Variants in EYS observed in about 807,000 individuals in gnomAD.
EYS encodes protein eyes shut homolog.
A neutral mutation model predicts 282.1 loss-of-function variants in EYS; 250 were observed. That is an observed-to-expected ratio of 0.89 (90% CI 0.80 to 0.98). EYS has a LOEUF of 0.98. Ranked by LOEUF, EYS falls within the 50% of genes least tolerant of loss-of-function variation. The pLI is 0.00. For synonymous variants in EYS, 1,355 were observed against 1,282.9 expected (o/e 1.06, Z -1.20); for missense variants, 4,016 against 3,709.0 (o/e 1.08, Z -2.15).
chr6:64,057,238 TG>T (rs1456190853), intron 33 of EYS, among the ~76,000 whole-genome samples: 3 of 152,174 alleles, frequency 2.0e-5, no homozygotes, highest in Admixed American at 1.3e-4. Flanking sequence ...TAGTGTTGGG[TG>T]GAAAAGAGTT....
chr6:64,690,056 G>T (rs1171572655), intron 22 of EYS, among the ~76,000 whole-genome samples: 3 of 151,754 alleles, frequency 2.0e-5, no homozygotes, highest in Non-Finnish European at 4.4e-5. Flanking sequence ...CAGAATGGGA[G>T]AAAATTTTTG....
intron 29 of EYS, among the ~76,000 whole-genome samples, chr6:64,375,722 T>C (rs972804326): frequency 6.6e-6 from 1 of 152,194 alleles, no homozygotes; most frequent in Admixed American, 6.5e-5. Flanking sequence ...TTGATTATTA[T>C]AGATTATTTT....
rs145384871 is a variant in EYS at position 65,657,988 on chromosome 6, A to G, written c.-447-18096T>C. On this transcript the variant is annotated intron_variant, in intron 1 of 42. Transcript: ENST00000503581. Reference sequence around the variant, plus strand: ...TAACTTGCTGGAGAGTCAGATGATCACTGGAATTTTTTAGCAAGAAAGTAT... The same window carrying G: ...TAACTTGCTGGAGAGTCAGATGATCGCTGGAATTTTTTAGCAAGAAAGTAT... Among the ~76,000 whole-genome samples, 135 of 151,984 alleles carry G rather than the reference A, an allele frequency of 8.9e-4. 2 individuals carry two copies. The South Asian group carries it at 0.019, about 22-fold the overall frequency.
chr6:65,508,258 C>T (rs947473261), intron 2 of EYS, among the ~76,000 whole-genome samples: 4 of 152,094 alleles, frequency 2.6e-5, no homozygotes, highest in African/African-American at 7.2e-5. Flanking sequence ...TACTGAGGCT[C>T]TGTTGGTTTG....
chr6:64,517,588 A>G (rs1385023197), intron 26 of EYS, among the ~76,000 whole-genome samples: 1 of 151,806 alleles, frequency 6.6e-6, no homozygotes, highest in East Asian at 1.9e-4. Context: ...GTAGCAGAAC[A>G]AGGGCAAAGT....
intron 31 of EYS, among the ~76,000 whole-genome samples, chr6:64,096,022 G>T (rs1406945895): frequency 1.3e-5 from 2 of 152,094 alleles, no homozygotes; most frequent in Admixed American, 6.5e-5. Flanking sequence ...GCTTAGTTTG[G>T]CTGGATATGA....
intron 22 of EYS, among the ~76,000 whole-genome samples, chr6:64,746,213 G>A (rs1325847283): frequency 6.6e-6 from 1 of 151,820 alleles, no homozygotes; most frequent in Non-Finnish European, 1.5e-5. Flanking sequence ...ATATTAAGAG[G>A]TGGGACTATT....
At chr6:63,816,920 CA>C (rs1771193259) in intron 36 of EYS, among the ~76,000 whole-genome samples, 1 of 152,048 alleles carries the variant, frequency 6.6e-6, no homozygotes, top group Non-Finnish European at 1.5e-5. Flanking sequence ...CACATATAAT[CA>C]AAAAAAGTGT....
chr6:65,499,518 G>A (rs1257391644), intron 2 of EYS, among the ~76,000 whole-genome samples: 1 of 151,836 alleles, frequency 6.6e-6, no homozygotes, highest in African/African-American at 2.4e-5. Flanking sequence ...TCCACAATAA[G>A]CAGCTTTTTA....
At chr6:64,288,455 C>T (rs945268341) in intron 30 of EYS, among the ~76,000 whole-genome samples, 4 of 152,080 alleles carry the variant, frequency 2.6e-5, no homozygotes, top group Non-Finnish European at 4.4e-5. Flanking sequence ...ACCACTCCTT[C>T]CAGTCTTCGC....
chr6:65,024,864 G>A, intron 13 of EYS, among the ~76,000 whole-genome samples: 1 of 152,074 alleles, frequency 6.6e-6, no homozygotes, highest in East Asian at 1.9e-4. Flanking sequence ...AGCTTTCACT[G>A]AGGACTATCA....
intron 12 of EYS, among the ~76,000 whole-genome samples, chr6:65,224,292 T>A (rs982598524): frequency 1.3e-5 from 2 of 152,098 alleles, no homozygotes; most frequent in African/African-American, 4.8e-5. Context: ...GAAAATTAAA[T>A]GACACACTCT....
rs937161517 is a variant in EYS, at chr6:65,005,804, G to A, written c.2138-8101C>T. On this transcript the variant is annotated intron_variant, in intron 13 of 42. Coordinates refer to ENST00000503581, the MANE Select transcript of EYS (RefSeq NM_001142800.2). ...CTGTCCCGAACTCCCGGCAGTAGCC[G>A]GTTAAGATCATGGCACAGCCAGAAG... 1.4e-4 allele frequency among the ~76,000 whole-genome samples: 17 copies of A among 119,166 alleles called. 1 individual carries two copies. The highest frequency in any genetic ancestry group is 3.1e-4 in the African/African-American group (12 of 39,014). 78.2% of individuals were successfully genotyped at this position (119,166 alleles called of 152,430 possible).
At chr6:65,237,051 T>C (rs978483668) in intron 12 of EYS, among the ~76,000 whole-genome samples, 2 of 152,232 alleles carry the variant, frequency 1.3e-5, no homozygotes, top group South Asian at 4.1e-4. Flanking sequence ...ATTAACACGT[T>C]TTTACATTTA....
At chr6:65,430,445 T>C (rs149617843) in intron 5 of EYS, among the ~76,000 whole-genome samples, 24 of 152,174 alleles carry the variant, frequency 1.6e-4, no homozygotes, top group South Asian at 6.2e-4. Context: ...CTGAGTAAAC[T>C]TGAAAGGCAT....
chr6:64,071,578 A>T (rs879484119), intron 32 of EYS, among the ~76,000 whole-genome samples: 15,471 of 150,772 alleles, frequency 0.1, 1,438 homozygotes, highest in African/African-American at 0.25. Flanking sequence ...ACAAAGAAAA[A>T]TCAGCTAAAT....
At chr6:64,271,577 C>T (rs187907421) in intron 30 of EYS, among the ~76,000 whole-genome samples, 1 of 151,910 alleles carries the variant, frequency 6.6e-6, no homozygotes, top group Non-Finnish European at 1.5e-5. Flanking sequence ...TTAAATGTTT[C>T]CTTTTCTTTT....
At chr6:64,950,808 T>C (rs1381249225) in intron 14 of EYS, among the ~76,000 whole-genome samples, 1 of 95,024 alleles carries the variant, frequency 1.1e-5, no homozygotes, top group Non-Finnish European at 2.2e-5. Flanking sequence ...CATATATATA[T>C]ATATATATAT....
intron 31 of EYS, among the ~76,000 whole-genome samples, chr6:64,115,619 C>T (rs934796992): frequency 1.4e-4 from 21 of 152,126 alleles, no homozygotes; most frequent in East Asian, 1.4e-3. Flanking sequence ...GTCTTTACAA[C>T]GACACCCTCA....
Sources: allele counts gnomAD v4.1 joint callset (sites outside exome capture counted in the v4.1 genomes callset), GRCh38; gene constraint gnomAD v4.1.1; transcripts MANE v1.5; gene names NCBI Gene and HGNC (gene_info 2026-07-23, HGNC 2026-07-21).